Variants in LYN observed in about 807,000 individuals in gnomAD.
LYN encodes tyrosine-protein kinase Lyn.
In LYN, 12 loss-of-function variants were observed where a neutral mutation model predicts 65.0. That is an observed-to-expected ratio of 0.18 (90% CI 0.12 to 0.30). The LOEUF (loss-of-function observed/expected upper bound fraction) is 0.30. LYN is among the 10% of genes least tolerant of loss of function. The probability of loss-of-function intolerance (pLI) is 1.00; values close to 1 mark genes in which losing one functional copy is unlikely to be tolerated. For missense variants in LYN, 380 were observed against 623.2 expected (o/e 0.61, Z 4.16); for synonymous variants, 222 against 221.2 (o/e 1.00, Z -0.03).
intron 1 of LYN, among the ~76,000 whole-genome samples, chr8:55,918,190 T>C (rs1805833910): frequency 6.6e-6 from 1 of 152,228 alleles, no homozygotes. Context: ...CAGGACACTT[T>C]GTGTGGCTGT....
intron 2 of LYN, among the ~76,000 whole-genome samples, chr8:55,945,850 G>T (rs1002222426): frequency 6.6e-6 from 1 of 152,174 alleles, no homozygotes; most frequent in Non-Finnish European, 1.5e-5. Context: ...CCCTGACCAT[G>T]CAATTTTATA....
At chr8:55,983,540 G>A (rs1415182346) in intron 10 of LYN, among the ~76,000 whole-genome samples, 42 of 91,056 alleles carry the variant, frequency 4.6e-4, no homozygotes, top group East Asian at 4.1e-3. Flanking sequence ...TTCCCCACCC[G>A]CCCTCTCTTG....
At chr8:55,943,752 A>G (rs889368493) in intron 2 of LYN, among the ~76,000 whole-genome samples, 4 of 152,096 alleles carry the variant, frequency 2.6e-5, no homozygotes, top group African/African-American at 9.7e-5. Context: ...GTCACATGTC[A>G]TCATTGAGAC....
At chr8:55,948,538 A>G (rs539855680) in intron 4 of LYN, among the ~76,000 whole-genome samples, 2 of 152,338 alleles carry the variant, frequency 1.3e-5, no homozygotes, top group Non-Finnish European at 2.9e-5. Flanking sequence ...GACATGTGGC[A>G]GTGTCAGACC....
At chr8:55,907,769 G>A (rs896207545) in intron 1 of LYN, among the ~76,000 whole-genome samples, 3 of 152,136 alleles carry the variant, frequency 2.0e-5, no homozygotes, top group South Asian at 2.1e-4. Context: ...GGGAGGCTGA[G>A]GTGGGAGGAT....
intron 8 of LYN, among the ~76,000 whole-genome samples, chr8:55,956,284 C>T (rs1416330076): frequency 2.0e-5 from 3 of 152,090 alleles, no homozygotes; most frequent in Non-Finnish European, 4.4e-5. Flanking sequence ...CGTACACATA[C>T]ATACATGTTA....
chr8:55,908,917 T>G (rs539844359), intron 1 of LYN, among the ~76,000 whole-genome samples: 2 of 148,596 alleles, frequency 1.3e-5, no homozygotes, highest in East Asian at 4.1e-4. Context: ...ATACATAATT[T>G]TATTCTTTTT....
intron 10 of LYN, among the ~76,000 whole-genome samples, chr8:55,991,595 C>T (rs1808251627): frequency 6.6e-6 from 1 of 151,934 alleles, no homozygotes; most frequent in Non-Finnish European, 1.5e-5. Flanking sequence ...TTCACCAGAA[C>T]CCCCCACCCC....
At chr8:55,965,667 GTGT>G (rs1291374404) in intron 8 of LYN, among the ~76,000 whole-genome samples, 1 of 152,130 alleles carries the variant, frequency 6.6e-6, no homozygotes, top group Non-Finnish European at 1.5e-5. Context: ...TTATATGTGT[GTGT>G]CTGTGTATCT....
In LYN at chr8:55,982,493, C is replaced by T. The variant is rs149319281; in HGVS notation, c.1050+12700C>T. ...TTTTGATGCATTACAAGGAGCTGTA[C>T]GGCTTGATCTTCTTTTCCATTTCCA... is the stretch of plus-strand genomic sequence containing the variant. On this transcript the variant is annotated intron_variant, in intron 10 of 12. Coordinates refer to ENST00000519728, the MANE Select transcript of LYN (RefSeq NM_002350.4). 3.6e-3 allele frequency among the ~76,000 whole-genome samples: 543 copies of T among 152,252 alleles called. 2 individuals are homozygous for T. Among genetic ancestry groups the T allele is most frequent in the Middle Eastern group, 0.014 (4 of 294 alleles).
intron 10 of LYN, among the ~76,000 whole-genome samples, chr8:55,972,359 C>T (rs957865972): frequency 6.6e-6 from 1 of 152,198 alleles, no homozygotes; most frequent in Non-Finnish European, 1.5e-5. Context: ...ACCACCTGGT[C>T]TCCATCCTTA....
chr8:55,894,937 C>A (rs1007782198), intron 1 of LYN, among the ~76,000 whole-genome samples: 5 of 152,140 alleles, frequency 3.3e-5, no homozygotes, highest in Admixed American at 6.6e-5. Context: ...TGTGCTTCAG[C>A]CTCCCAAAGT....
intron 10 of LYN, among the ~76,000 whole-genome samples, chr8:55,998,038 A>C (rs979857933): frequency 4.6e-5 from 7 of 152,038 alleles, no homozygotes; most frequent in South Asian, 2.1e-4. Context: ...GAGCCAAGAT[A>C]GCGCCACTGC....
chr8:55,958,108 C>G (rs569745203), intron 8 of LYN, among the ~76,000 whole-genome samples: 6 of 152,128 alleles, frequency 3.9e-5, no homozygotes, highest in Non-Finnish European at 7.3e-5. Context: ...CCTCAGCAGA[C>G]CTGCTTACAC....
At chr8:55,902,716 C>A in intron 1 of LYN, 1 of 482,622 alleles carries the variant, frequency 2.1e-6, no homozygotes, top group Admixed American at 2.3e-5. Flanking sequence ...TACTCATAAG[C>A]ATGGCAAAAT....
intron 1 of LYN, among the ~76,000 whole-genome samples, chr8:55,934,782 C>G (rs1178207989): frequency 6.6e-6 from 1 of 152,190 alleles, no homozygotes; most frequent in Non-Finnish European, 1.5e-5. Context: ...TCCCACCTCA[C>G]CCCCCTTTCC....
intron 10 of LYN, among the ~76,000 whole-genome samples, chr8:55,986,188 C>T (rs1309021920): frequency 6.6e-6 from 1 of 150,474 alleles, no homozygotes; most frequent in Admixed American, 6.6e-5. Context: ...ACCAGAATCC[C>T]CCCCGCAAAA....
Position 56,010,872 on chromosome 8 carries a change from C to T in LYN, c.*762C>T. ...AGGAAAGGGAGAAGAGCCTCAGAAA[C>T]TGCTCTGTGTTTAGAAGGAATATTT... On this transcript the variant is annotated 3_prime_UTR_variant, in exon 13 of 13. Coordinates refer to ENST00000519728, the MANE Select transcript of LYN (RefSeq NM_002350.4). 1 of 229,954 alleles carries T rather than the reference C, an allele frequency of 4.3e-6. No individual in the cohort carries two copies. The highest frequency in any genetic ancestry group is 8.6e-6 in the Non-Finnish European group (1 of 116,012). The allele number at this position is 229,954 out of a possible 1,614,324, so 14.2% of individuals were successfully genotyped here. A position where few individuals can be genotyped will look rare whatever the true frequency, so the allele number is the denominator to read the frequency against.
chr8:55,975,802 C>CTT (rs1285970295), intron 10 of LYN, among the ~76,000 whole-genome samples: 1 of 16,854 alleles, frequency 5.9e-5, no homozygotes, highest in African/African-American at 2.5e-4. Context: ...AACAGGAACT[C>CTT]TTTTTTTTTT....
Sources: gnomAD v4.1 joint callset for allele counts (sites outside exome capture counted in the v4.1 genomes callset) on GRCh38, gnomAD v4.1.1 for gene constraint, MANE v1.5 for transcripts, NCBI Gene and HGNC (gene_info 2026-07-23, HGNC 2026-07-21) for gene names.